The following HDDC2 variants were observed in gnomAD, a reference collection of about 807,000 sequenced individuals.
The protein encoded by HDDC2 is HD domain containing 2, also known as 5'-deoxynucleotidase HDDC2.
A neutral mutation model predicts 25.5 loss-of-function variants in HDDC2; 25 were observed. The ratio of observed to expected loss-of-function variants is 0.98; its 90% confidence interval spans 0.72 to 1.37. The LOEUF is 1.37. Among genes scored for constraint, HDDC2 ranks in the 40% most tolerant of loss-of-function variants. The pLI is 0.00. For missense variants in HDDC2, 264 were observed against 253.1 expected (o/e 1.04, Z -0.29); for synonymous variants, 106 against 89.7 (o/e 1.18, Z -1.03).
intron 4 of HDDC2, among the ~76,000 whole-genome samples, chr6:125,282,924 T>C: frequency 6.6e-6 from 1 of 152,192 alleles, no homozygotes; most frequent in East Asian, 1.9e-4. Flanking sequence ...AGAAGGGCAT[T>C]ACATAATGGT....
At chr6:125,283,950 A>T (rs1344065678) in intron 4 of HDDC2, among the ~76,000 whole-genome samples, 2 of 152,312 alleles carry the variant, frequency 1.3e-5, no homozygotes, top group South Asian at 4.1e-4. Flanking sequence ...ACAGCATGGT[A>T]CTGGTACCAA....
chr6:125,291,495 C>T, intron 4 of HDDC2, among the ~76,000 whole-genome samples: 1 of 152,162 alleles, frequency 6.6e-6, no homozygotes, highest in East Asian at 1.9e-4. Flanking sequence ...TGCATCAAAG[C>T]ATACCCATTT....
At chr6:125,297,846 T>C (rs1188554812) in intron 3 of HDDC2, among the ~76,000 whole-genome samples, 4 of 152,354 alleles carry the variant, frequency 2.6e-5, no homozygotes, top group African/African-American at 9.6e-5. Context: ...TGCCCTGGGC[T>C]TTGGGTTTAG....
chr6:125,300,447 A>G (rs192982708), intron 2 of HDDC2, 91 bp downstream of exon 2: 2 of 1,458,592 alleles, frequency 1.4e-6, no homozygotes, highest in Admixed American at 2.4e-5. Flanking sequence ...AAACTAACCT[A>G]CAAGGATTTG....
chr6:125,282,904 G>T lies in HDDC2; in HGVS notation c.379-5664C>A, dbSNP rs1166629338. 2.0e-5 allele frequency among the ~76,000 whole-genome samples: 3 copies of T among 152,140 alleles called. No individual in the cohort carries two copies. The East Asian group carries it at 5.8e-4, about 29-fold the overall frequency. ...CAGACTTTAAACCAACAAATATAAAGAAAAGACAAAGAAGGGCATTACATA... is the reference window on the plus strand; with the variant it reads ...CAGACTTTAAACCAACAAATATAAATAAAAGACAAAGAAGGGCATTACATA... On this transcript the variant is annotated intron_variant, in intron 4 of 5. Transcript: ENST00000398153.
At chr6:125,297,528 C>T (rs1386606988) in intron 3 of HDDC2, 2 of 402,066 alleles carry the variant, frequency 5.0e-6, no homozygotes, top group Non-Finnish European at 8.7e-6. Flanking sequence ...CGTTAGTCTA[C>T]AGGTGTACAG....
rs370664774 is a variant in HDDC2 at position 125,292,918 on chromosome 6, T to A, written c.310-9A>T. 16 of 1,595,586 alleles carry A rather than the reference T, an allele frequency of 1.0e-5. No individual in the cohort carries two copies. The highest frequency in any genetic ancestry group is 4.0e-5 in the African/African-American group (3 of 74,594). On this transcript the variant is annotated splice_polypyrimidine_tract_variant and intron_variant, in intron 3 of 5. Coordinates refer to ENST00000398153, the MANE Select transcript of HDDC2 (RefSeq NM_016063.3). ...ATCTGCTTCATAGCTTCCTGAAATATTAAACCATTATCTTTAATTATATTG... is the reference window on the plus strand; with the variant it reads ...ATCTGCTTCATAGCTTCCTGAAATAATAAACCATTATCTTTAATTATATTG...
rs763087511 is a variant in HDDC2 at position 125,276,097 on chromosome 6, A to T, written c.*49T>A. ...ACAATGGCAAAACACAATACAATGA[A>T]ATGGAAAAATAATGTTTGTTACAGG... is the stretch of plus-strand genomic sequence containing the variant. On this transcript the variant is annotated 3_prime_UTR_variant, in exon 6 of 6. Coordinates refer to ENST00000398153, the MANE Select transcript of HDDC2 (RefSeq NM_016063.3). 4 of 1,313,308 alleles carry T rather than the reference A, an allele frequency of 3.0e-6. No homozygotes were observed. The highest frequency in any genetic ancestry group is 3.3e-6 in the Non-Finnish European group (3 of 911,018). 81.4% of individuals were successfully genotyped at this position (1,313,308 alleles called of 1,614,324 possible).
chr6:125,289,476 T>C (rs1484253806), intron 4 of HDDC2, among the ~76,000 whole-genome samples: 1 of 106,726 alleles, frequency 9.4e-6, no homozygotes, highest in Non-Finnish European at 1.9e-5. Context: ...AAACTTAGAG[T>C]ATAATAAAAA....
intron 4 of HDDC2, among the ~76,000 whole-genome samples, chr6:125,290,468 A>C (rs2115111277): frequency 6.6e-6 from 1 of 152,366 alleles, no homozygotes; most frequent in Non-Finnish European, 1.5e-5. Context: ...ACTGTGTTGA[A>C]TACTATGTTG....
At chr6:125,297,614 AC>A in intron 3 of HDDC2, 1 of 399,432 alleles carries the variant, frequency 2.5e-6, no homozygotes, top group Non-Finnish European at 4.4e-6. Context: ...CTTTTCCCCC[AC>A]AAGCTCCAGT....
chr6:125,281,366 T>C (rs958497616), intron 4 of HDDC2, among the ~76,000 whole-genome samples: 14 of 152,088 alleles, frequency 9.2e-5, no homozygotes, highest in African/African-American at 3.4e-4. Context: ...GTTGGACAAA[T>C]TGACAGAAGT....
At chr6:125,289,704 G>A (rs921718689) in intron 4 of HDDC2, among the ~76,000 whole-genome samples, 1 of 151,954 alleles carries the variant, frequency 6.6e-6, no homozygotes, top group Admixed American at 6.6e-5. Context: ...AGAATGAATT[G>A]GGGGGAGACA....
intron 1 of HDDC2, among the ~76,000 whole-genome samples, chr6:125,301,482 G>GCACACACACGCGCGCGCACA (rs1412473241): frequency 8.3e-6 from 1 of 120,344 alleles, no homozygotes; most frequent in African/African-American, 3.4e-5. Context: ...GGGGTCGTGA[G>GCACACACACGCGCGCGCACA]CACACACACA....
chr6:125,300,667 A>T lies in HDDC2; in HGVS notation c.85-8T>A, dbSNP rs199597460. The T allele has an allele frequency of 1.1e-5, 18 of 1,608,750 alleles. No homozygotes were observed. The highest frequency in any genetic ancestry group is 8.6e-5 in the Admixed American group (5 of 58,268). On this transcript the variant is annotated splice_polypyrimidine_tract_variant and splice_region_variant and intron_variant, in intron 1 of 5. Coordinates refer to ENST00000398153, the MANE Select transcript of HDDC2 (RefSeq NM_016063.3). Reference sequence around the variant, plus strand: ...GCCAGTTCGTGGGACTCTCTGATAAATATGAAGAAGAAAAAGAAGTTTTAA... The same window carrying T: ...GCCAGTTCGTGGGACTCTCTGATAATTATGAAGAAGAAAAAGAAGTTTTAA...
intron 4 of HDDC2, among the ~76,000 whole-genome samples, chr6:125,282,593 A>G (rs777878036): frequency 3.6e-4 from 55 of 152,232 alleles, no homozygotes; most frequent in Non-Finnish European, 6.3e-4. Flanking sequence ...GACACTATAA[A>G]GAAACTGCAT....
chr6:125,279,836 T>C (rs180855757), intron 4 of HDDC2, among the ~76,000 whole-genome samples: 159 of 152,322 alleles, frequency 1.0e-3, no homozygotes, highest in Non-Finnish European at 1.8e-3. Context: ...AGGCAATTTG[T>C]GTCAAAAAGA....
At chr6:125,288,379 T>C (rs929040278) in intron 4 of HDDC2, among the ~76,000 whole-genome samples, 6 of 152,058 alleles carry the variant, frequency 3.9e-5, no homozygotes, top group African/African-American at 1.4e-4. Context: ...GTGACCCCAG[T>C]CCCCACGGCA....
intron 3 of HDDC2, chr6:125,297,429 T>C (rs1004367958): frequency 2.5e-6 from 1 of 395,982 alleles, no homozygotes; most frequent in Non-Finnish European, 4.5e-6. Flanking sequence ...CCTACACTTT[T>C]GGGTAGGTTG....
Sources: gnomAD v4.1 joint callset for allele counts (sites outside exome capture counted in the v4.1 genomes callset) on GRCh38, gnomAD v4.1.1 for gene constraint, MANE v1.5 for transcripts, NCBI Gene and HGNC (gene_info 2026-07-23, HGNC 2026-07-21) for gene names.